Variants in LPA observed in about 807,000 individuals in gnomAD.
The protein encoded by LPA is apolipoprotein(a).
In LPA, 199 loss-of-function variants were observed where a neutral mutation model predicts 197.9. The ratio of observed to expected loss-of-function variants is 1.01; its 90% CI spans 0.90 to 1.13. The LOEUF is 1.13. Ranked by LOEUF, LPA falls within the 50% of genes most tolerant of loss-of-function variation. The pLI is 0.00. For missense variants in LPA, 1,853 were observed against 1,785.8 expected (o/e 1.04, Z -0.68); for synonymous variants, 715 against 639.5 (o/e 1.12, Z -1.78).
chr6:160,595,863 A>G (rs1310162971), intron 20 of LPA, among the ~76,000 whole-genome samples: 1 of 152,200 alleles, frequency 6.6e-6, no homozygotes, highest in Admixed American at 6.5e-5. Context: ...TACTCTGTAC[A>G]TTGTACAATG....
chr6:160,606,345 C>T (rs1169983335), intron 17 of LPA, 132 bp downstream of exon 17: 3 of 1,351,318 alleles, frequency 2.2e-6, no homozygotes, highest in Non-Finnish European at 3.1e-6. Context: ...ACGGAGGCTT[C>T]CTCCTACATG....
intron 28 of LPA, among the ~76,000 whole-genome samples, chr6:160,576,692 A>G (rs9355812): frequency 0.015 from 780 of 53,182 alleles, 2 homozygotes; most frequent in Admixed American, 0.028. Flanking sequence ...GTGTGTGTGT[A>G]TATATATATA....
intron 16 of LPA, among the ~76,000 whole-genome samples, chr6:160,611,160 T>A (rs754287625): frequency 5.3e-5 from 8 of 152,080 alleles, no homozygotes; most frequent in Non-Finnish European, 8.8e-5. Flanking sequence ...GCACATAAAC[T>A]TTCCTCATGA....
At chr6:160,601,124 C>T (rs376474155) in intron 18 of LPA, 26 bp from the exon 19 acceptor site, 126 of 1,610,518 alleles carry the variant, frequency 7.8e-5, no homozygotes, top group Non-Finnish European at 1.0e-4. Flanking sequence ...GAATACACAT[C>T]ACAAAAAATG....
At chr6:160,553,954 T>TGTGTGTGTGTGTGTGTGTGTGC (rs771903485) in intron 30 of LPA, among the ~76,000 whole-genome samples, 4,316 of 130,556 alleles carry the variant, frequency 0.033, 112 homozygotes, top group Admixed American at 0.067. Flanking sequence ...TGTGTGTGTG[T>TGTGTGTGTGTGTGTGTGTGTGC]GCGCGCGCGC....
chr6:160,657,398 C>CTT (rs56850029), intron 1 of LPA, among the ~76,000 whole-genome samples: 6,875 of 134,584 alleles, frequency 0.051, 223 homozygotes, highest in South Asian at 0.081. Context: ...ACTATTATAA[C>CTT]TTTTTTTTTT....
intron 28 of LPA, among the ~76,000 whole-genome samples, chr6:160,570,826 C>A (rs977546973): frequency 6.6e-6 from 1 of 152,104 alleles, no homozygotes; most frequent in African/African-American, 2.4e-5. Context: ...CTTCAGGTTG[C>A]TCTTCTTGAG....
At chr6:160,588,919 C>T (rs1290700254) in intron 24 of LPA, among the ~76,000 whole-genome samples, 2 of 152,170 alleles carry the variant, frequency 1.3e-5, no homozygotes, top group Non-Finnish European at 2.9e-5. Flanking sequence ...TTTGATAGTC[C>T]TTCATGGCAG....
intron 32 of LPA, 30 bp from the exon 33 acceptor site, chr6:160,545,563 C>G (rs1445725929): frequency 7.6e-7 from 1 of 1,316,328 alleles, no homozygotes. Flanking sequence ...TAAGCTCCAG[C>G]TCACGTGGAG....
intron 18 of LPA, among the ~76,000 whole-genome samples, chr6:160,603,955 C>A (rs759161260): frequency 6.6e-6 from 1 of 152,142 alleles, no homozygotes; most frequent in Non-Finnish European, 1.5e-5. Flanking sequence ...TCCAGTATCC[C>A]AGAATGCTAT....
At chr6:160,537,777 A>C (rs1777916082) in intron 37 of LPA, 78 bp downstream of exon 37, 2 of 1,330,682 alleles carry the variant, frequency 1.5e-6, no homozygotes, top group Non-Finnish European at 2.1e-6. Context: ...TTGTACAACT[A>C]TCTCCAAAAT....
chr6:160,549,848 C>T (rs73784278), intron 30 of LPA, among the ~76,000 whole-genome samples: 3,145 of 152,226 alleles, frequency 0.021, 108 homozygotes, highest in African/African-American at 0.071. Flanking sequence ...GGACCCAAGG[C>T]ATAAAGTGAG....
chr6:160,601,662 C>T (rs1779244174), intron 18 of LPA, among the ~76,000 whole-genome samples: 1 of 152,216 alleles, frequency 6.6e-6, no homozygotes, highest in Admixed American at 6.5e-5. Flanking sequence ...GCATGTAAAA[C>T]CATTGCACAA....
chr6:160,563,483 C>T (rs930376301), intron 28 of LPA, among the ~76,000 whole-genome samples: 1 of 152,120 alleles, frequency 6.6e-6, no homozygotes, highest in African/African-American at 2.4e-5. Flanking sequence ...TGTTTTACTT[C>T]CAATTATGTG....
At chr6:160,660,608 C>G (rs1780208068) in intron 1 of LPA, among the ~76,000 whole-genome samples, 1 of 152,182 alleles carries the variant, frequency 6.6e-6, no homozygotes, top group African/African-American at 2.4e-5. Flanking sequence ...TGTTTGATTT[C>G]TTACAATATG....
In LPA at chr6:160,595,368, G is replaced by T. The variant is rs1309558587; in HGVS notation, c.3455C>A (p.Ala1152Asp). 1.9e-6 allele frequency: 3 copies of T among 1,612,638 alleles called. No individual in the cohort carries two copies. In the Admixed American group the frequency reaches 5.0e-5, roughly 27 times the overall value. ...LTVVPDPSTE[A>D]SSEEAPTEQS... ...AGACTTCCTACCTTCTTCAGAAGAA[G>T]CCTCTGTGCTTGGATCTGGGACCAC... The change falls in exon 21 of 39, where the codon GCT (alanine) becomes GAT (aspartate). Residue 1152 changes from alanine to aspartate, a missense_variant. This residue lies in a region of LPA where 1,737 missense variants were observed against 1,504.4 expected (regional missense o/e 1.15). Transcript: ENST00000316300.
chr6:160,566,868 A>G (rs1778465526), intron 28 of LPA, among the ~76,000 whole-genome samples: 1 of 152,232 alleles, frequency 6.6e-6, no homozygotes, highest in Non-Finnish European at 1.5e-5. Flanking sequence ...AACAGACTTT[A>G]AACTAACAAA....
chr6:160,566,031 T>G (rs1778448514), intron 28 of LPA, among the ~76,000 whole-genome samples: 1 of 152,086 alleles, frequency 6.6e-6, no homozygotes, highest in African/African-American at 2.4e-5. Flanking sequence ...TGGGACTATG[T>G]GAAAAGACCA....
chr6:160,648,991 T>C (rs1330144513), intron 2 of LPA, among the ~76,000 whole-genome samples: 3 of 152,330 alleles, frequency 2.0e-5, no homozygotes, highest in East Asian at 1.9e-4. Flanking sequence ...ACACTGTGGA[T>C]ACTGCATAGC....
Sources: allele counts gnomAD v4.1 joint callset (sites outside exome capture counted in the v4.1 genomes callset), GRCh38; gene constraint gnomAD v4.1.1; regional missense constraint gnomAD v4.1.1; transcripts MANE v1.5; gene names NCBI Gene and HGNC (gene_info 2026-07-23, HGNC 2026-07-21).